Variants in CFTR observed in about 807,000 individuals in gnomAD.
CFTR encodes CF transmembrane conductance regulator, also known as cystic fibrosis transmembrane conductance regulator.
In CFTR, 181 loss-of-function variants were observed where a neutral mutation model predicts 171.6. The observed-to-expected ratio is 1.05, with a 90% CI of 0.93 to 1.19. The LOEUF (loss-of-function observed/expected upper bound fraction) is 1.19, where lower values mean the gene tolerates loss of function less well. Ranked by LOEUF, CFTR falls within the 50% of genes most tolerant of loss-of-function variation. The probability of loss-of-function intolerance (pLI) is 0.00; values close to 1 mark genes in which losing one functional copy is unlikely to be tolerated. For synonymous variants in CFTR, 583 were observed against 608.0 expected (o/e 0.96, Z 0.60); for missense variants, 1,968 against 1,734.7 (o/e 1.13, Z -2.39).
chr7:117,634,630 C>T (rs553983722), intron 22 of CFTR, among the ~76,000 whole-genome samples: 6 of 152,166 alleles, frequency 3.9e-5, no homozygotes, highest in South Asian at 2.1e-4. Context: ...CTGCATCTCA[C>T]AAATATTCAT....
At chr7:117,662,955 C>T (rs1051424041) in intron 24 of CFTR, among the ~76,000 whole-genome samples, 1 of 152,080 alleles carries the variant, frequency 6.6e-6, no homozygotes, top group Non-Finnish European at 1.5e-5. Flanking sequence ...GAGAGTTGTT[C>T]ACACATGACA....
intron 21 of CFTR, among the ~76,000 whole-genome samples, chr7:117,621,788 C>T (rs188033353): frequency 2.0e-5 from 3 of 152,280 alleles, no homozygotes; most frequent in Admixed American, 1.3e-4. Context: ...CAATTGTATT[C>T]ACCAAGCTAG....
At chr7:117,601,049 T>G (rs1439609694) in intron 15 of CFTR, among the ~76,000 whole-genome samples, 1 of 152,078 alleles carries the variant, frequency 6.6e-6, no homozygotes, top group Non-Finnish European at 1.5e-5. Context: ...GTTCCATTAG[T>G]AAATATTATA....
chr7:117,561,542 G>A (rs560177518), intron 11 of CFTR, among the ~76,000 whole-genome samples: 2 of 151,926 alleles, frequency 1.3e-5, no homozygotes, highest in African/African-American at 4.8e-5. Flanking sequence ...TGTCTCTTTT[G>A]GACATTTCAC....
intron 15 of CFTR, among the ~76,000 whole-genome samples, chr7:117,595,694 G>T (rs1792109360): frequency 6.6e-6 from 1 of 151,836 alleles, no homozygotes; most frequent in African/African-American, 2.4e-5. Flanking sequence ...ACCAGCCTGG[G>T]CAACACAGTG....
At chr7:117,579,891 C>T (rs939384453) in intron 11 of CFTR, among the ~76,000 whole-genome samples, 1 of 151,750 alleles carries the variant, frequency 6.6e-6, no homozygotes, top group African/African-American at 2.4e-5. Flanking sequence ...ATTCATGTCT[C>T]ATACCAAATA....
At chr7:117,545,200 G>T (rs1234267482) in intron 9 of CFTR, among the ~76,000 whole-genome samples, 3 of 152,158 alleles carry the variant, frequency 2.0e-5, no homozygotes, top group African/African-American at 7.2e-5. Context: ...TAAACCACCA[G>T]GTCTTGTGAG....
intron 1 of CFTR, among the ~76,000 whole-genome samples, chr7:117,492,427 T>G (rs1019057064): frequency 1.3e-5 from 2 of 151,984 alleles, no homozygotes; most frequent in Non-Finnish European, 2.9e-5. Context: ...AGTGTCATCA[T>G]GTGGGCTCCA....
chr7:117,614,689 C>A lies in CFTR; in HGVS notation c.3444C>A (p.Asn1148Lys), dbSNP rs397508565. 14 of 1,611,650 alleles carry A rather than the reference C, an allele frequency of 8.7e-6. No homozygotes were observed. The highest frequency in any genetic ancestry group is 3.3e-5 in the Admixed American group (2 of 59,950). ...NIMSTLQWAV[N>K]SSIDVDSLMR... ...TGAGTACATTGCAGTGGGCTGTAAACTCCAGCATAGATGTGGATAGCTTGG... is the reference window on the plus strand; with the variant it reads ...TGAGTACATTGCAGTGGGCTGTAAAATCCAGCATAGATGTGGATAGCTTGG... The change falls in exon 21 of 27, where the codon AAC (asparagine) becomes AAA (lysine). Residue 1148 changes from asparagine to lysine, a missense_variant. Transcript: ENST00000003084.
At chr7:117,539,692 C>G (rs1034151897) in intron 7 of CFTR, among the ~76,000 whole-genome samples, 4 of 151,670 alleles carry the variant, frequency 2.6e-5, no homozygotes, top group Non-Finnish European at 5.9e-5. Flanking sequence ...GTTCTCATTT[C>G]CATACTTAAT....
chr7:117,503,681 C>A (rs1329581181), intron 1 of CFTR, among the ~76,000 whole-genome samples: 3 of 152,132 alleles, frequency 2.0e-5, no homozygotes, highest in Non-Finnish European at 4.4e-5. Context: ...AGTTATGATC[C>A]TACCCTCAGG....
At chr7:117,555,831 T>G (rs1799343530) in intron 10 of CFTR, among the ~76,000 whole-genome samples, 1 of 152,182 alleles carries the variant, frequency 6.6e-6, no homozygotes, top group Admixed American at 6.5e-5. Flanking sequence ...ATATGAAATA[T>G]GTGTTAATTG....
chr7:117,523,355 T>G lies in CFTR; in HGVS notation c.274-7544T>G, dbSNP rs1020353870. On this transcript the variant is annotated intron_variant, in intron 3 of 26. Transcript: ENST00000003084. ...CCAAGCAACAAAGCAAGACTGTCTC[T>G]GAATTTTTGTTTTGTTTTGTTTTTT... Among the ~76,000 whole-genome samples the G allele has an allele frequency of 7.9e-5, 12 of 151,106 alleles. 1 individual carries two copies. The highest frequency in any genetic ancestry group is 2.7e-4 in the African/African-American group (11 of 41,314).
intron 2 of CFTR, 80 bp downstream of exon 2, chr7:117,504,443 TAA>T: frequency 1.2e-6 from 1 of 800,012 alleles, no homozygotes. Context: ...AAACATATTA[TAA>T]GTTTAATTCT....
intron 1 of CFTR, among the ~76,000 whole-genome samples, chr7:117,497,097 T>C (rs1798252622): frequency 1.3e-5 from 2 of 152,150 alleles, no homozygotes; most frequent in African/African-American, 2.4e-5. Flanking sequence ...ATATGGCAAA[T>C]TGGATACATG....
intron 1 of CFTR, among the ~76,000 whole-genome samples, chr7:117,493,885 C>A (rs1798199505): frequency 6.6e-6 from 1 of 151,926 alleles, no homozygotes; most frequent in African/African-American, 2.4e-5. Flanking sequence ...CCATGATGTT[C>A]TTTGAATCCT....
At chr7:117,632,557 CA>C (rs56829741) in intron 22 of CFTR, among the ~76,000 whole-genome samples, 5,316 of 91,208 alleles carry the variant, frequency 0.058, 115 homozygotes, top group African/African-American at 0.076. Context: ...GACACTGTCT[CA>C]AAAAAAAAAA....
chr7:117,505,375 A>G (rs1242824106), intron 2 of CFTR, among the ~76,000 whole-genome samples: 3 of 152,158 alleles, frequency 2.0e-5, no homozygotes, highest in Admixed American at 1.3e-4. Flanking sequence ...GAACGAATTT[A>G]TTGGCTCATG....
intron 21 of CFTR, among the ~76,000 whole-genome samples, chr7:117,624,504 T>TGCAAG (rs1167492559): frequency 6.6e-6 from 1 of 152,210 alleles, no homozygotes; most frequent in Non-Finnish European, 1.5e-5. Flanking sequence ...TCCCATGTCA[T>TGCAAG]GCAAGGCACA....
Sources: allele counts gnomAD v4.1 joint callset (sites outside exome capture counted in the v4.1 genomes callset), GRCh38; gene constraint gnomAD v4.1.1; transcripts MANE v1.5; gene names NCBI Gene and HGNC (gene_info 2026-07-23, HGNC 2026-07-21).